Variants in SDK2 observed in about 807,000 individuals in gnomAD.
SDK2 encodes sidekick cell adhesion molecule 2, also known as protein sidekick-2.
SDK2 carries 105 observed loss-of-function variants against 253.9 expected under a neutral mutation model. That is an observed-to-expected ratio of 0.41 (90% CI 0.35 to 0.49). The LOEUF (loss-of-function observed/expected upper bound fraction) is 0.49, where lower values mean the gene tolerates loss of function less well. Among genes scored for constraint, SDK2 ranks in the 20% least tolerant of loss-of-function variants. The pLI, the probability that SDK2 is intolerant of heterozygous loss-of-function variation, is 0.06. For synonymous variants in SDK2, 1,249 were observed against 1,234.9 expected, an observed-to-expected ratio of 1.01 and a Z score of -0.24; for missense variants, 2,608 against 3,003.0, an observed-to-expected ratio of 0.87 and a Z score of 3.07.
intron 3 of SDK2, among the ~76,000 whole-genome samples, chr17:73,469,990 G>GTGCACA (rs1436205404): frequency 9.5e-6 from 1 of 105,612 alleles, no homozygotes; most frequent in African/African-American, 3.6e-5. Context: ...CTGCGCGCGC[G>GTGCACA]CGCACACACA....
chr17:73,643,982 C>CT lies in SDK2; in HGVS notation c.64+42dup. On this transcript the variant is annotated intron_variant, in intron 1 of 44. Transcript: ENST00000392650. This position sits in a 1 kb window ranked among gnomAD's most constrained non-coding sequence, Gnocchi z 6.9. Reference sequence around the variant, plus strand: ...TCCCGCCGCCCCTCCCCCGCCCACTCTCCCAGCCCCCTCCCTGTCCCCACG... The same window carrying CT: ...TCCCGCCGCCCCTCCCCCGCCCACTCTTCCCAGCCCCCTCCCTGTCCCCACG... 1 of 1,066,080 alleles carries CT rather than the reference C, an allele frequency of 9.4e-7. No individual in the cohort carries two copies. Among genetic ancestry groups the CT allele is most frequent in the Admixed American group, 2.1e-5 (1 of 47,574 alleles). 66.0% of individuals were successfully genotyped at this position (1,066,080 alleles called of 1,614,324 possible).
intron 18 of SDK2, among the ~76,000 whole-genome samples, chr17:73,407,698 A>T (rs2063090316): frequency 6.6e-6 from 1 of 152,096 alleles, no homozygotes. Context: ...CATCCTCCCA[A>T]AGTGTTGGGA....
Position 73,416,100 on chromosome 17 carries a change from G to A in SDK2, c.2187-108C>T. 3 of 1,011,404 alleles carry A rather than the reference G, an allele frequency of 3.0e-6. No individual in the cohort carries two copies. In the South Asian group the frequency reaches 4.7e-5, roughly 16 times the overall value. 62.7% of individuals were successfully genotyped at this position (1,011,404 alleles called of 1,614,324 possible). On this transcript the variant is annotated intron_variant, in intron 16 of 44. Transcript: ENST00000392650. ...TCCAATAGGACTTCCGGTGGTGGCG[G>A]AAGTGCTCTGCACCTGTGCTGTCCG...
intron 1 of SDK2, among the ~76,000 whole-genome samples, chr17:73,607,509 C>T (rs530958246): frequency 2.0e-4 from 31 of 152,198 alleles, no homozygotes; most frequent in African/African-American, 3.4e-4. Flanking sequence ...AAAAGCAAAA[C>T]GCTGAGCCAG....
chr17:73,396,671 A>AGT (rs1281746734), intron 24 of SDK2, among the ~76,000 whole-genome samples: 1 of 152,226 alleles, frequency 6.6e-6, no homozygotes, highest in Non-Finnish European at 1.5e-5. Context: ...GGGCCTGAGA[A>AGT]GTGTCTAGGG....
At chr17:73,573,901 C>T (rs377125003) in intron 1 of SDK2, among the ~76,000 whole-genome samples, 2 of 152,208 alleles carry the variant, frequency 1.3e-5, no homozygotes, top group South Asian at 4.1e-4. Flanking sequence ...GCCCTTTATC[C>T]GGGCCTTGCT....
chr17:73,590,244 C>T (rs2045663740), intron 1 of SDK2, among the ~76,000 whole-genome samples: 1 of 152,164 alleles, frequency 6.6e-6, no homozygotes. Flanking sequence ...GGGGTCAGTT[C>T]GGAATCTGTT....
chr17:73,396,491 C>T (rs1320615454), intron 24 of SDK2, among the ~76,000 whole-genome samples: 3 of 142,632 alleles, frequency 2.1e-5, no homozygotes, highest in East Asian at 1.9e-4. Flanking sequence ...TCACCTTCGG[C>T]CCCAACCTCC....
At chr17:73,565,926 C>T (rs144830628) in intron 1 of SDK2, among the ~76,000 whole-genome samples, 2,297 of 152,328 alleles carry the variant, frequency 0.015, 73 homozygotes, top group African/African-American at 0.053. Flanking sequence ...CAGGTTCAAG[C>T]GATTCTCCTG....
chr17:73,371,549 T>C (rs1347650883), intron 36 of SDK2, among the ~76,000 whole-genome samples: 2 of 151,956 alleles, frequency 1.3e-5, no homozygotes, highest in Admixed American at 1.3e-4. Context: ...TGAGAACCTA[T>C]TTGGAGCGAG....
At chr17:73,574,127 A>G (rs993236802) in intron 1 of SDK2, among the ~76,000 whole-genome samples, 1 of 151,984 alleles carries the variant, frequency 6.6e-6, no homozygotes, top group African/African-American at 2.4e-5. Flanking sequence ...GCATTTCCTC[A>G]CTGTTTGCCC....
At chr17:73,556,231 A>G (rs2045141454) in intron 1 of SDK2, among the ~76,000 whole-genome samples, 1 of 152,230 alleles carries the variant, frequency 6.6e-6, no homozygotes, top group Non-Finnish European at 1.5e-5. Flanking sequence ...CTTTCCAAAC[A>G]AACAGATCAA....
chr17:73,497,689 C>A (rs974707697), intron 2 of SDK2, among the ~76,000 whole-genome samples: 2 of 151,992 alleles, frequency 1.3e-5, no homozygotes, highest in Non-Finnish European at 2.9e-5. Flanking sequence ...CCCCTCGCAG[C>A]ACAATGGACC....
intron 1 of SDK2, chr17:73,520,964 T>G (rs2064073801): frequency 6.6e-6 from 1 of 152,050 alleles, no homozygotes; most frequent in Non-Finnish European, 1.5e-5. Context: ...GATGAAAGTA[T>G]TCTGGAACTC....
At position 73,433,680 on chromosome 17, in the gene SDK2, A is replaced by T. The variant is rs542871506; in HGVS notation, c.1312+52T>A. The T allele has an allele frequency of 1.2e-5, 17 of 1,366,176 alleles. No individual in the cohort carries two copies. In the East Asian group the frequency reaches 4.2e-4, roughly 34 times the overall value. The allele number at this position is 1,366,176 out of a possible 1,614,324, so 84.6% of individuals were successfully genotyped here. On this transcript the variant is annotated intron_variant, in intron 10 of 44. Coordinates refer to ENST00000392650, the MANE Select transcript of SDK2 (RefSeq NM_001144952.2). ...CTGGCTCCAGAGCCTAGTTCTGAAGACTCTTCTAGGCTATCACCCAGCCAC... is the reference window on the plus strand; with the variant it reads ...CTGGCTCCAGAGCCTAGTTCTGAAGTCTCTTCTAGGCTATCACCCAGCCAC...
At position 73,405,517 on chromosome 17, in the gene SDK2, T is replaced by TAAAAATAA. The variant is rs112566588; in HGVS notation, c.2485-3377_2485-3376insTTATTTTT. On this transcript the variant is annotated intron_variant, in intron 18 of 44. Transcript: ENST00000392650. ...ATATATATATATATATATATATATATAAAGATCGAGAATGTGGAAAGTACA... is the reference window on the plus strand; with the variant it reads ...ATATATATATATATATATATATATATAAAAATAAAAAGATCGAGAATGTGGAAAGTACA... Among the ~76,000 whole-genome samples the TAAAAATAA allele has an allele frequency of 7.6e-5, 5 of 66,180 alleles. 1 individual carries two copies. Among genetic ancestry groups the TAAAAATAA allele is most frequent in the African/African-American group, 6.2e-5 (1 of 16,216 alleles). 43.4% of individuals were successfully genotyped at this position (66,180 alleles called of 152,430 possible).
chr17:73,611,073 G>A (rs183660711), intron 1 of SDK2, among the ~76,000 whole-genome samples: 26 of 152,326 alleles, frequency 1.7e-4, no homozygotes, highest in Admixed American at 7.2e-4. Flanking sequence ...CCAAGTCATC[G>A]TGCCCTAGGT....
intron 44 of SDK2, among the ~76,000 whole-genome samples, chr17:73,345,510 G>A (rs911846411): frequency 9.9e-5 from 15 of 152,106 alleles, no homozygotes; most frequent in African/African-American, 3.4e-4. Context: ...TGTAGCCATC[G>A]TTCCTATATA....
At chr17:73,637,616 C>T (rs1244426759) in intron 1 of SDK2, among the ~76,000 whole-genome samples, 2 of 152,168 alleles carry the variant, frequency 1.3e-5, no homozygotes, top group East Asian at 3.9e-4. Flanking sequence ...TGACCTCAGC[C>T]TGCCTGCCTC....
Sources: allele counts gnomAD v4.1 joint callset (sites outside exome capture counted in the v4.1 genomes callset), GRCh38; gene constraint gnomAD v4.1.1; non-coding constraint Gnocchi (gnomAD v3.1); transcripts MANE v1.5; gene names NCBI Gene and HGNC (gene_info 2026-07-23, HGNC 2026-07-21).